Variants in HSPA4L observed in about 807,000 individuals in gnomAD.
HSPA4L encodes the protein heat shock 70 kDa protein 4L.
HSPA4L carries 48 observed loss-of-function variants against 100.3 expected under a neutral mutation model. The observed-to-expected ratio is 0.48, with a 90% CI of 0.38 to 0.61. The LOEUF (loss-of-function observed/expected upper bound fraction) is 0.61, where lower values mean the gene tolerates loss of function less well. Ranked by LOEUF, HSPA4L falls within the 20% of genes least tolerant of loss-of-function variation. The probability of loss-of-function intolerance (pLI) is 0.00; values close to 1 mark genes in which losing one functional copy is unlikely to be tolerated. For missense variants in HSPA4L, 886 were observed against 988.6 expected (o/e 0.90, Z 1.39); for synonymous variants, 319 against 328.2 (o/e 0.97, Z 0.30).
chr4:127,786,508 CA>C (rs1732722606), intron 1 of HSPA4L, among the ~76,000 whole-genome samples: 1 of 152,078 alleles, frequency 6.6e-6, no homozygotes, highest in Non-Finnish European at 1.5e-5. Context: ...GTCTGTTGCC[CA>C]GGCTGGAGTA....
rs767314277 is a variant in HSPA4L at position 127,832,895 on chromosome 4, T to A, written c.*21T>A. 8 of 1,572,138 alleles carry A rather than the reference T, an allele frequency of 5.1e-6. No individual in the cohort carries two copies. The South Asian group carries it at 9.5e-5, about 19-fold the overall frequency. Reference sequence around the variant, plus strand: ...ACTAAGTCTTAATTTTACCTTCACATTAATTCAAACCGTGCAAGTAACCAC... The same window carrying A: ...ACTAAGTCTTAATTTTACCTTCACAATAATTCAAACCGTGCAAGTAACCAC... On this transcript the variant is annotated 3_prime_UTR_variant, in exon 19 of 19. Coordinates refer to ENST00000296464, the MANE Select transcript of HSPA4L (RefSeq NM_014278.4).
chr4:127,786,115 A>G (rs897407075), intron 1 of HSPA4L, among the ~76,000 whole-genome samples: 3 of 152,238 alleles, frequency 2.0e-5, no homozygotes, highest in Non-Finnish European at 4.4e-5. Flanking sequence ...AGTGATTGCT[A>G]TGTGCTAAGC....
At position 127,827,296 on chromosome 4, in the gene HSPA4L, T is replaced by C. The variant is rs772191533; in HGVS notation, c.2047-9T>C. The C allele has an allele frequency of 8.1e-6, 13 of 1,599,738 alleles. No homozygotes were observed. The highest frequency in any genetic ancestry group is 5.8e-5 in the South Asian group (5 of 86,472). On this transcript the variant is annotated splice_polypyrimidine_tract_variant and intron_variant, in intron 16 of 18. Transcript: ENST00000296464. Reference sequence around the variant, plus strand: ...ATTTTTCTTCTTTAAAAATTTCTTATGTTAACAGAAATACGGCCAGCCTAT... The same window carrying C: ...ATTTTTCTTCTTTAAAAATTTCTTACGTTAACAGAAATACGGCCAGCCTAT...
rs1225828693 is a variant in HSPA4L, at chr4:127,782,667, T to C, written c.107+10T>C. 6.3e-7 allele frequency: 1 copy of C among 1,585,370 alleles called. No individual in the cohort carries two copies. The highest frequency in any genetic ancestry group is 8.6e-7 in the Non-Finnish European group (1 of 1,158,656). On this transcript the variant is annotated intron_variant, in intron 1 of 18. Transcript: ENST00000296464. ...GCGACAGGTGTACCCCGTAAGTGCC[T>C]CTGCTGAGCATCACCTCGACCCTAA...
At chr4:127,815,992 G>A (rs1272422143) in intron 12 of HSPA4L, among the ~76,000 whole-genome samples, 1 of 152,150 alleles carries the variant, frequency 6.6e-6, no homozygotes. Flanking sequence ...TTTCGTTGTT[G>A]TAACAAATAG....
At chr4:127,805,643 T>C in intron 9 of HSPA4L, 44 bp from the exon 10 acceptor site, 1 of 1,406,302 alleles carries the variant, frequency 7.1e-7, no homozygotes, top group Non-Finnish European at 1.0e-6. Context: ...CTAGGGTATG[T>C]TTTGTATTTG....
In HSPA4L at chr4:127,836,479, GTATAT is replaced by G. The variant is rs1734215973; in HGVS notation, c.*3608_*3612del. 6.6e-6 allele frequency: 1 copy of G among 151,996 alleles called. No individual in the cohort carries two copies. Among genetic ancestry groups the G allele is most frequent in the African/African-American group, 2.4e-5 (1 of 41,386 alleles). 9.4% of individuals were successfully genotyped at this position (151,996 alleles called of 1,614,324 possible). ...TTTTGGGGGGGGGTGTCAATTTTTA[GTATAT>G]TAAGAGCTAAAAGAAGTAAAGGTTT... On this transcript the variant is annotated 3_prime_UTR_variant, in exon 19 of 19. Coordinates refer to ENST00000296464, the MANE Select transcript of HSPA4L (RefSeq NM_014278.4).
At chr4:127,827,657 A>G (rs1016177289) in intron 17 of HSPA4L, among the ~76,000 whole-genome samples, 2 of 152,094 alleles carry the variant, frequency 1.3e-5, no homozygotes, top group Non-Finnish European at 2.9e-5. Context: ...ATTTCCTGAA[A>G]CTACATTATA....
rs927040212 is a variant in HSPA4L at position 127,785,972 on chromosome 4, T to C, written c.107+3315T>C. 6.6e-5 allele frequency among the ~76,000 whole-genome samples: 10 copies of C among 152,342 alleles called. No individual in the cohort carries two copies. In the South Asian group the frequency reaches 2.1e-3, roughly 32 times the overall value. ...TTAAAGGCCTGGTACATGTCTGCAT[T>C]GTTACTTAAAACAATTAGAATTTCC... On this transcript the variant is annotated intron_variant, in intron 1 of 18. Transcript: ENST00000296464.
intron 2 of HSPA4L, among the ~76,000 whole-genome samples, chr4:127,795,493 C>A (rs189719960): frequency 6.6e-6 from 1 of 152,064 alleles, no homozygotes; most frequent in African/African-American, 2.4e-5. Flanking sequence ...TAATTTGAAA[C>A]GTTTTAAAGG....
rs560723378 is a variant in HSPA4L, at chr4:127,806,050, T to C, written c.1244+257T>C. ...TATAGAAGTATAAAAAAGACCTGCA[T>C]TTGTCATATTCTCTCTTAGCCCATT... On this transcript the variant is annotated intron_variant, in intron 10 of 18. Coordinates refer to ENST00000296464, the MANE Select transcript of HSPA4L (RefSeq NM_014278.4). Among the ~76,000 whole-genome samples the C allele has an allele frequency of 3.3e-5, 5 of 152,110 alleles. No individual in the cohort carries two copies. The South Asian group carries it at 1.0e-3, about 32-fold the overall frequency.
chr4:127,807,886 A>C (rs2148788765), intron 10 of HSPA4L, 110 bp from the exon 11 acceptor site: 1 of 1,044,356 alleles, frequency 9.6e-7, no homozygotes, highest in Non-Finnish European at 1.4e-6. Flanking sequence ...TTATTTGTGC[A>C]GAGATTTTTG....
Position 127,805,233 on chromosome 4 carries a change from G to A in HSPA4L, c.1137+9G>A. 6.3e-7 allele frequency: 1 copy of A among 1,580,622 alleles called. No homozygotes were observed. The highest frequency in any genetic ancestry group is 8.6e-7 in the Non-Finnish European group (1 of 1,165,184). On this transcript the variant is annotated intron_variant, in intron 9 of 18. Transcript: ENST00000296464. ...GAGGATGTGCGTTACAGGTATAATT[G>A]TTATTTTATTTTTTAGAATATGTAT... is the stretch of plus-strand genomic sequence containing the variant.
intron 11 of HSPA4L, 35 bp downstream of exon 11, chr4:127,808,164 C>T (rs1382260956): frequency 1.3e-6 from 2 of 1,544,652 alleles, no homozygotes; most frequent in Non-Finnish European, 1.7e-6. Context: ...AACATTTTGG[C>T]CTTTTATAAA....
chr4:127,809,687 C>T (rs190723374), intron 11 of HSPA4L, among the ~76,000 whole-genome samples: 3 of 152,142 alleles, frequency 2.0e-5, no homozygotes, highest in Admixed American at 1.3e-4. Flanking sequence ...GATTATGTAC[C>T]GTAACTGTAA....
At position 127,801,820 on chromosome 4, in the gene HSPA4L, C is replaced by A; in HGVS notation, c.565C>A (p.Pro189Thr). ...GTATGGAATTTATAAACAGGATCTT[C>A]CCCCATTAGATGAGAAACCAAGAAA... The part of the protein sequence containing the change: ...LAYGIYKQDL[P>T]PLDEKPRNVV... Residue 189 changes from proline (P) to threonine (T), a missense_variant, in exon 6 of 19, where the codon CCC (proline) becomes ACC (threonine). Pro to Thr is a conservative substitution (Grantham distance 38). Transcript: ENST00000296464. 1 of 1,610,410 alleles carries A rather than the reference C, an allele frequency of 6.2e-7. No homozygotes were observed. The highest frequency in any genetic ancestry group is 8.5e-7 in the Non-Finnish European group (1 of 1,177,718).
intron 6 of HSPA4L, 61 bp from the exon 7 acceptor site, chr4:127,803,568 C>CTTT: frequency 8.1e-7 from 1 of 1,231,878 alleles, no homozygotes; most frequent in South Asian, 1.9e-5. Context: ...AGAGGTTTTT[C>CTTT]TTTTTTTTTT....
intron 12 of HSPA4L, among the ~76,000 whole-genome samples, chr4:127,816,094 G>A (rs918269096): frequency 5.9e-5 from 9 of 152,194 alleles, no homozygotes; most frequent in Admixed American, 3.3e-4. Context: ...GCGACAAATC[G>A]GGTAAAACCT....
At chr4:127,815,274 T>C (rs779620934) in intron 12 of HSPA4L, among the ~76,000 whole-genome samples, 1 of 152,098 alleles carries the variant, frequency 6.6e-6, no homozygotes, top group Admixed American at 6.5e-5. Flanking sequence ...TGTGAGAAAA[T>C]TGACACCTCT....
Sources: gnomAD v4.1 joint callset for allele counts (sites outside exome capture counted in the v4.1 genomes callset) on GRCh38, gnomAD v4.1.1 for gene constraint, MANE v1.5 for transcripts, NCBI Gene and HGNC (gene_info 2026-07-23, HGNC 2026-07-21) for gene names.